The following GRIN2B variants were observed in gnomAD, a reference collection of about 807,000 sequenced individuals.
GRIN2B encodes the protein glutamate receptor ionotropic, NMDA 2B.
In GRIN2B, 5 loss-of-function variants were observed where a neutral mutation model predicts 114.5. That is an observed-to-expected ratio of 0.04 (90% CI 0.02 to 0.09). GRIN2B has a LOEUF of 0.09. Ranked by LOEUF, GRIN2B falls within the 10% of genes least tolerant of loss-of-function variation. GRIN2B has a pLI of 1.00. For synonymous variants in GRIN2B, 787 were observed against 745.1 expected (o/e 1.06, Z -0.92); for missense variants, 1,108 against 1,943.5 (o/e 0.57, Z 8.08).
At chr12:13,875,061 C>A (rs773455788) in intron 2 of GRIN2B, among the ~76,000 whole-genome samples, 2 of 152,140 alleles carry the variant, frequency 1.3e-5, no homozygotes, top group Non-Finnish European at 2.9e-5. Flanking sequence ...TCCTGATGCT[C>A]TCTCTCCCCC....
intron 5 of GRIN2B, among the ~76,000 whole-genome samples, chr12:13,621,949 C>T (rs959666226): frequency 2.0e-5 from 3 of 151,620 alleles, no homozygotes; most frequent in Non-Finnish European, 4.4e-5. Context: ...TCTCTGAAAG[C>T]CCCCACGTTT....
chr12:13,903,858 T>G (rs1174561109), intron 2 of GRIN2B, among the ~76,000 whole-genome samples: 6 of 152,016 alleles, frequency 3.9e-5, no homozygotes, highest in African/African-American at 1.4e-4. Context: ...ACTTTGATAT[T>G]ATATACTTTG....
At chr12:13,845,364 A>T (rs1386577193) in intron 3 of GRIN2B, among the ~76,000 whole-genome samples, 1 of 152,190 alleles carries the variant, frequency 6.6e-6, no homozygotes, top group East Asian at 1.9e-4. Flanking sequence ...CTCAAACCAC[A>T]TTAAAATATC....
intron 3 of GRIN2B, among the ~76,000 whole-genome samples, chr12:13,813,230 C>T (rs913294622): frequency 9.2e-5 from 14 of 151,900 alleles, no homozygotes; most frequent in Admixed American, 3.9e-4. Flanking sequence ...CCACCGTGCC[C>T]GGCCTGGGAA....
chr12:13,626,839 C>T (rs1359364799), intron 5 of GRIN2B, among the ~76,000 whole-genome samples: 1 of 134,382 alleles, frequency 7.4e-6, no homozygotes, highest in Non-Finnish European at 1.6e-5. Context: ...CCTCCCCCCT[C>T]ACCATAGCTC....
At chr12:13,956,890 C>G (rs932173333) in intron 2 of GRIN2B, among the ~76,000 whole-genome samples, 5 of 152,204 alleles carry the variant, frequency 3.3e-5, no homozygotes, top group African/African-American at 1.2e-4. Context: ...ATTAAAGACT[C>G]TGAATTTCTA....
At chr12:13,754,448 T>C (rs966847006) in intron 3 of GRIN2B, among the ~76,000 whole-genome samples, 1 of 152,188 alleles carries the variant, frequency 6.6e-6, no homozygotes, top group Non-Finnish European at 1.5e-5. Context: ...AATCCAAAAA[T>C]GTCATTGAGC....
At position 13,556,966 on chromosome 12, in the gene GRIN2B, G is replaced by C. The variant is rs533711483; in HGVS notation, c.*5817C>G. ...TTTTTCTTGCTTCAATATTGTAAAT[G>C]AGAAGCCCTAAACGTCACAGTTCTC... On this transcript the variant is annotated 3_prime_UTR_variant, in exon 14 of 14. Coordinates refer to ENST00000609686, the MANE Select transcript of GRIN2B (RefSeq NM_000834.5). The C allele has an allele frequency of 6.6e-6, 1 of 152,242 alleles. No homozygotes were observed. The highest frequency in any genetic ancestry group is 6.5e-5 in the Admixed American group (1 of 15,282). The allele number at this position is 152,242 out of a possible 1,614,324, so 9.4% of individuals were successfully genotyped here. A position where few individuals can be genotyped will look rare whatever the true frequency, so the allele number is the denominator to read the frequency against.
chr12:13,876,257 T>G (rs886723779), intron 2 of GRIN2B, among the ~76,000 whole-genome samples: 2 of 152,210 alleles, frequency 1.3e-5, no homozygotes, highest in Non-Finnish European at 2.9e-5. Context: ...ATTTTCTTCT[T>G]TATAAAATGG....
At chr12:13,618,187 G>T (rs1000275714) in intron 5 of GRIN2B, among the ~76,000 whole-genome samples, 11 of 152,106 alleles carry the variant, frequency 7.2e-5, no homozygotes, top group Admixed American at 5.9e-4. Flanking sequence ...TTTCCAAATG[G>T]CTCTCCAGCC....
At chr12:13,950,386 T>A (rs1371272355) in intron 2 of GRIN2B, among the ~76,000 whole-genome samples, 1 of 152,196 alleles carries the variant, frequency 6.6e-6, no homozygotes, top group African/African-American at 2.4e-5. Context: ...CCCAGTTTGG[T>A]CACTTATGGG....
chr12:13,558,873 T>TTGTC lies in GRIN2B; in HGVS notation c.*3906_*3909dup, dbSNP rs1948505490. 6.6e-6 allele frequency: 1 copy of TTGTC among 152,210 alleles called. No homozygotes were observed. The highest frequency in any genetic ancestry group is 1.5e-5 in the Non-Finnish European group (1 of 68,046). The allele number at this position is 152,210 out of a possible 1,614,324, so 9.4% of individuals were successfully genotyped here. On this transcript the variant is annotated 3_prime_UTR_variant, in exon 14 of 14. Transcript: ENST00000609686. ...TCAGGCAAATTCAAGGGTCAGATTA[T>TTGTC]TGTCAGTGGAAATGCTGAGATTTAA... is the stretch of plus-strand genomic sequence containing the variant.
At position 13,928,314 on chromosome 12, in the gene GRIN2B, A is replaced by G. The variant is rs1866955717; in HGVS notation, c.-19+51614T>C. On this transcript the variant is annotated intron_variant, in intron 2 of 13. Coordinates refer to ENST00000609686, the MANE Select transcript of GRIN2B (RefSeq NM_000834.5). ...CAAGACTTCATCTCAAAAAAAAAAA[A>G]AAAAGAAATAATGAATTTGAGTCTA... 2.6e-5 allele frequency among the ~76,000 whole-genome samples: 4 copies of G among 152,148 alleles called. No individual in the cohort carries two copies. In the South Asian group the frequency reaches 8.3e-4, roughly 32 times the overall value.
chr12:13,777,386 G>C (rs970172077), intron 3 of GRIN2B, among the ~76,000 whole-genome samples: 1 of 152,128 alleles, frequency 6.6e-6, no homozygotes, highest in Non-Finnish European at 1.5e-5. Flanking sequence ...TCTTTTCCAT[G>C]TCAATTTCAG....
At chr12:13,857,194 A>G (rs1865676034) in intron 3 of GRIN2B, among the ~76,000 whole-genome samples, 1 of 152,216 alleles carries the variant, frequency 6.6e-6, no homozygotes, top group South Asian at 2.1e-4. Context: ...ATGAGCATCA[A>G]GGAAAGCTTT....
intron 4 of GRIN2B, among the ~76,000 whole-genome samples, chr12:13,716,222 A>G (rs1375942042): frequency 4.6e-5 from 7 of 151,958 alleles, no homozygotes; most frequent in Non-Finnish European, 2.9e-5. Context: ...ATAAATGTCC[A>G]TTGATTAAAT....
chr12:13,871,829 T>C (rs1865914087), intron 2 of GRIN2B, among the ~76,000 whole-genome samples: 2 of 151,910 alleles, frequency 1.3e-5, no homozygotes. Context: ...ATTTAATGTG[T>C]AATATATAAT....
At chr12:13,884,879 A>G (rs1688698525) in intron 2 of GRIN2B, among the ~76,000 whole-genome samples, 1 of 152,054 alleles carries the variant, frequency 6.6e-6, no homozygotes, top group African/African-American at 2.4e-5. Context: ...TTGCTTCAAG[A>G]TTCATTCTAT....
intron 2 of GRIN2B, among the ~76,000 whole-genome samples, chr12:13,958,216 G>T (rs1466592944): frequency 6.6e-6 from 1 of 152,238 alleles, no homozygotes; most frequent in East Asian, 1.9e-4. Context: ...GACTAATAAT[G>T]GCAACACAAT....
Sources: allele counts gnomAD v4.1 joint callset (sites outside exome capture counted in the v4.1 genomes callset), GRCh38; gene constraint gnomAD v4.1.1; transcripts MANE v1.5; gene names NCBI Gene and HGNC (gene_info 2026-07-23, HGNC 2026-07-21).